The following GALNTL6 variants were observed in gnomAD, a reference collection of about 807,000 sequenced individuals.
GALNTL6 encodes the protein polypeptide N-acetylgalactosaminyltransferase like 6, also known as polypeptide N-acetylgalactosaminyltransferase-like 6.
A neutral mutation model predicts 73.7 loss-of-function variants in GALNTL6; 46 were observed. That is an observed-to-expected ratio of 0.62 (90% CI 0.49 to 0.80). The LOEUF is 0.80. Ranked by LOEUF, GALNTL6 falls within the 30% of genes least tolerant of loss-of-function variation. The pLI, the probability that GALNTL6 is intolerant of heterozygous loss-of-function variation, is 0.00. For missense variants in GALNTL6, 604 were observed against 755.0 expected, an observed-to-expected ratio of 0.80 and a Z score of 2.34; for synonymous variants, 259 against 263.7, an observed-to-expected ratio of 0.98 and a Z score of 0.17.
chr4:171,891,521 C>A (rs1031149631), intron 2 of GALNTL6, among the ~76,000 whole-genome samples: 2 of 152,152 alleles, frequency 1.3e-5, no homozygotes, highest in African/African-American at 4.8e-5. Context: ...AAATCATTGT[C>A]TCAATGTTAG....
At chr4:172,566,436 C>A (rs1232920707) in intron 5 of GALNTL6, among the ~76,000 whole-genome samples, 1 of 151,996 alleles carries the variant, frequency 6.6e-6, no homozygotes, top group African/African-American at 2.4e-5. Flanking sequence ...CACTCATGAA[C>A]AACCAATGGA....
At chr4:172,495,735 C>G (rs764679002) in intron 5 of GALNTL6, among the ~76,000 whole-genome samples, 75 of 152,278 alleles carry the variant, frequency 4.9e-4, no homozygotes, top group Non-Finnish European at 8.8e-4. Context: ...TTCTGATTCT[C>G]TGGGTCTGAA....
chr4:172,278,509 C>G (rs751760063), intron 3 of GALNTL6, among the ~76,000 whole-genome samples: 8 of 152,028 alleles, frequency 5.3e-5, no homozygotes, highest in Non-Finnish European at 1.2e-4. Context: ...GGGTCCCCTC[C>G]TGGTCATCAT....
At chr4:172,284,370 C>T (rs1022171744) in intron 3 of GALNTL6, among the ~76,000 whole-genome samples, 3 of 152,028 alleles carry the variant, frequency 2.0e-5, no homozygotes, top group African/African-American at 7.2e-5. Context: ...TTAGTGTATC[C>T]ATCACCTGAA....
chr4:172,309,664 T>A (rs979804593), intron 3 of GALNTL6, among the ~76,000 whole-genome samples: 2 of 152,024 alleles, frequency 1.3e-5, no homozygotes, highest in African/African-American at 4.8e-5. Context: ...AAATCATGAG[T>A]TATGAAGAAA....
chr4:172,693,743 A>G (rs1016796059), intron 5 of GALNTL6, among the ~76,000 whole-genome samples: 1 of 152,210 alleles, frequency 6.6e-6, no homozygotes, highest in African/African-American at 2.4e-5. Flanking sequence ...GAAAAACTGA[A>G]TCCTGGTACC....
chr4:172,335,206 C>G (rs569345329), intron 4 of GALNTL6, among the ~76,000 whole-genome samples: 1 of 152,210 alleles, frequency 6.6e-6, no homozygotes, highest in South Asian at 2.1e-4. Flanking sequence ...AATCATATGA[C>G]TTTTGTGTTT....
chr4:172,212,452 C>T (rs1319335451), intron 2 of GALNTL6, among the ~76,000 whole-genome samples: 1 of 152,128 alleles, frequency 6.6e-6, no homozygotes, highest in East Asian at 1.9e-4. Flanking sequence ...AGTTACCTCG[C>T]CCAGCCAATG....
intron 2 of GALNTL6, among the ~76,000 whole-genome samples, chr4:172,077,603 G>A (rs1161391468): frequency 6.6e-6 from 1 of 152,112 alleles, no homozygotes; most frequent in African/African-American, 2.4e-5. Context: ...GAGTATATTT[G>A]TATGTGTGAA....
At chr4:172,862,875 C>T (rs946694541) in intron 7 of GALNTL6, among the ~76,000 whole-genome samples, 2 of 152,174 alleles carry the variant, frequency 1.3e-5, no homozygotes, top group African/African-American at 4.8e-5. Context: ...GGCCCAGGAG[C>T]CTAGGAGGAA....
chr4:172,886,424 T>C (rs1051973085), intron 8 of GALNTL6, among the ~76,000 whole-genome samples: 3 of 152,228 alleles, frequency 2.0e-5, no homozygotes, highest in African/African-American at 7.2e-5. Flanking sequence ...TTGAGTCTTC[T>C]CTCTTCCATT....
chr4:172,202,175 C>T (rs1020569659), intron 2 of GALNTL6, among the ~76,000 whole-genome samples: 2 of 152,118 alleles, frequency 1.3e-5, no homozygotes, highest in Non-Finnish European at 2.9e-5. Flanking sequence ...ATAATTGTAA[C>T]GAGACTGGTG....
chr4:172,780,955 C>G (rs574009159), intron 5 of GALNTL6, among the ~76,000 whole-genome samples: 1 of 152,208 alleles, frequency 6.6e-6, no homozygotes, highest in East Asian at 1.9e-4. Context: ...CCCAGGACAG[C>G]TAATGATCAA....
At chr4:172,647,993 C>A (rs777374065) in intron 5 of GALNTL6, among the ~76,000 whole-genome samples, 2 of 152,028 alleles carry the variant, frequency 1.3e-5, no homozygotes, top group Admixed American at 6.6e-5. Flanking sequence ...GCTGGCTATG[C>A]GAGGGAGACA....
intron 2 of GALNTL6, among the ~76,000 whole-genome samples, chr4:171,926,610 G>A (rs902600616): frequency 6.6e-6 from 1 of 151,992 alleles, no homozygotes; most frequent in Admixed American, 6.6e-5. Context: ...CTCTTCACTA[G>A]CATTTGTTAT....
chr4:171,906,757 C>A (rs977523094), intron 2 of GALNTL6, among the ~76,000 whole-genome samples: 14 of 152,244 alleles, frequency 9.2e-5, no homozygotes, highest in Admixed American at 7.8e-4. Context: ...AAAATACTGG[C>A]AAACCGAATC....
intron 2 of GALNTL6, among the ~76,000 whole-genome samples, chr4:172,049,519 T>A (rs1388118479): frequency 6.6e-6 from 1 of 152,176 alleles, no homozygotes; most frequent in Admixed American, 6.6e-5. Context: ...ATGTAGTTTA[T>A]CAGTAACAAG....
chr4:171,893,308 T>C (rs1374861961), intron 2 of GALNTL6, among the ~76,000 whole-genome samples: 1 of 152,070 alleles, frequency 6.6e-6, no homozygotes, highest in Non-Finnish European at 1.5e-5. Context: ...AAAAGCTGTC[T>C]CCTTAGAACC....
intron 5 of GALNTL6, among the ~76,000 whole-genome samples, chr4:172,566,571 G>T (rs1016298780): frequency 6.6e-6 from 1 of 151,894 alleles, no homozygotes; most frequent in African/African-American, 2.4e-5. Context: ...AGCAATAAAT[G>T]CCTGCATTTA....
Sources: gnomAD v4.1 joint callset for allele counts (sites outside exome capture counted in the v4.1 genomes callset) on GRCh38, gnomAD v4.1.1 for gene constraint, MANE v1.5 for transcripts, NCBI Gene and HGNC (gene_info 2026-07-23, HGNC 2026-07-21) for gene names.